PTPN4: variants seen among roughly 807,000 people sequenced by gnomAD.
PTPN4 encodes protein tyrosine phosphatase non-receptor type 4.
In PTPN4, 49 loss-of-function variants were observed where a neutral mutation model predicts 135.5. The observed-to-expected ratio is 0.36, with a 90% CI of 0.29 to 0.46. The LOEUF (loss-of-function observed/expected upper bound fraction) is 0.46, where lower values mean the gene tolerates loss of function less well. Ranked by LOEUF, PTPN4 falls within the 20% of genes least tolerant of loss-of-function variation. The pLI is 1.00. For missense variants in PTPN4, 860 were observed against 1,101.0 expected (o/e 0.78, Z 3.10); for synonymous variants, 333 against 369.9 (o/e 0.90, Z 1.14).
intron 12 of PTPN4, among the ~76,000 whole-genome samples, chr2:119,921,972 G>C (rs1678743110): frequency 6.6e-6 from 1 of 151,872 alleles, no homozygotes; most frequent in Non-Finnish European, 1.5e-5. Flanking sequence ...TTTAATTTAG[G>C]TACAAAGAAA....
At chr2:119,924,044 G>C (rs1678777446) in intron 12 of PTPN4, among the ~76,000 whole-genome samples, 1 of 148,134 alleles carries the variant, frequency 6.8e-6, no homozygotes, top group African/African-American at 2.5e-5. Context: ...GGCTGAGGCA[G>C]AAGAATGGCG....
At chr2:119,766,437 C>T (rs185119200) in intron 1 of PTPN4, among the ~76,000 whole-genome samples, 3 of 113,634 alleles carry the variant, frequency 2.6e-5, no homozygotes, top group East Asian at 2.4e-4. Flanking sequence ...CTGGTGTATG[C>T]GCATGTGCGC....
intron 2 of PTPN4, among the ~76,000 whole-genome samples, chr2:119,815,873 CAG>C (rs1676977544): frequency 1.3e-5 from 2 of 152,142 alleles, no homozygotes. Flanking sequence ...ATGCACAAAA[CAG>C]TGCAGTACAC....
chr2:119,975,657 G>C (rs1032851766), intron 26 of PTPN4, among the ~76,000 whole-genome samples: 5 of 152,120 alleles, frequency 3.3e-5, no homozygotes, highest in Non-Finnish European at 7.4e-5. Context: ...CCCGGGAGGA[G>C]GAGGTTGCAG....
rs1679719714 is a variant in PTPN4, at chr2:119,983,175, C to T, written c.*6105C>T. ...TGAAAGGATTGGTGTCAGGCTCTCT[C>T]AACCCTGGGAGTTTCCAAAATTTAG... On this transcript the variant is annotated 3_prime_UTR_variant, in exon 27 of 27. Transcript: ENST00000263708. The T allele has an allele frequency of 6.6e-6, 1 of 152,180 alleles. No individual in the cohort carries two copies. The highest frequency in any genetic ancestry group is 1.5e-5 in the Non-Finnish European group (1 of 68,034). The allele number at this position is 152,180 out of a possible 1,614,324, so 9.4% of individuals were successfully genotyped here. A position where few individuals can be genotyped will look rare whatever the true frequency, so the allele number is the denominator to read the frequency against.
intron 2 of PTPN4, among the ~76,000 whole-genome samples, chr2:119,847,328 A>ATATTTTTTTTTTTTTTTTTTAGACAT (rs1257711116): frequency 9.7e-6 from 1 of 102,754 alleles, no homozygotes; most frequent in Non-Finnish European, 1.9e-5. Flanking sequence ...ATATATATAT[A>ATATTTTTTTTTTTTTTTTTTAGACAT]TTTTTTTTTT....
intron 2 of PTPN4, among the ~76,000 whole-genome samples, chr2:119,823,726 TGA>T (rs1017333620): frequency 6.6e-6 from 1 of 152,148 alleles, no homozygotes; most frequent in African/African-American, 2.4e-5. Flanking sequence ...TATTTCTTAC[TGA>T]GAGAGAGAGG....
chr2:119,939,624 A>G (rs537131529), intron 15 of PTPN4, among the ~76,000 whole-genome samples: 4 of 152,236 alleles, frequency 2.6e-5, no homozygotes, highest in Non-Finnish European at 5.9e-5. Flanking sequence ...TGTTAAATCC[A>G]GTTCCCCGAG....
intron 3 of PTPN4, among the ~76,000 whole-genome samples, chr2:119,869,995 T>G (rs940894849): frequency 2.6e-5 from 4 of 152,194 alleles, no homozygotes; most frequent in African/African-American, 4.8e-5. Context: ...GCCTCCTCTT[T>G]TCCCCATTTC....
Position 119,882,499 on chromosome 2 carries a change from T to C in PTPN4, c.467-4T>C, listed in dbSNP as rs964011864. ...AAATGTGAATGTTTTCCTTTCATTA[T>C]TAGCTGAACTTGGAGACTACGATCA... On this transcript the variant is annotated splice_region_variant and splice_polypyrimidine_tract_variant and intron_variant, in intron 7 of 26. Coordinates refer to ENST00000263708, the MANE Select transcript of PTPN4 (RefSeq NM_002830.4). 1 of 1,510,452 alleles carries C rather than the reference T, an allele frequency of 6.6e-7. No individual in the cohort carries two copies. 93.6% of individuals were successfully genotyped at this position (1,510,452 alleles called of 1,614,324 possible).
chr2:119,858,215 T>C (rs944668271), intron 2 of PTPN4, among the ~76,000 whole-genome samples: 25 of 152,334 alleles, frequency 1.6e-4, no homozygotes, highest in African/African-American at 4.6e-4. Context: ...GTCTCAGATA[T>C]TTATTTACAG....
At chr2:119,933,975 C>T (rs576542998) in intron 14 of PTPN4, among the ~76,000 whole-genome samples, 3 of 152,174 alleles carry the variant, frequency 2.0e-5, no homozygotes, top group East Asian at 3.9e-4. Context: ...CCATTTGTAC[C>T]AGCAACACTA....
intron 3 of PTPN4, among the ~76,000 whole-genome samples, chr2:119,875,480 G>A (rs1677971045): frequency 6.6e-6 from 1 of 152,054 alleles, no homozygotes; most frequent in Non-Finnish European, 1.5e-5. Context: ...CATTAAAGTG[G>A]ATATAATTTA....
At chr2:119,801,882 TTTTC>T (rs1414289137) in intron 1 of PTPN4, among the ~76,000 whole-genome samples, 32 of 151,290 alleles carry the variant, frequency 2.1e-4, no homozygotes, top group South Asian at 1.2e-3. Context: ...TTTTTCTGTT[TTTTC>T]TTTCTTTCTT....
intron 2 of PTPN4, among the ~76,000 whole-genome samples, chr2:119,817,563 T>C (rs1198297697): frequency 6.6e-6 from 1 of 152,200 alleles, no homozygotes; most frequent in East Asian, 1.9e-4. Context: ...TTTTGGTTAC[T>C]GTAGCCCTGT....
At chr2:119,861,485 A>G (rs1282364304) in intron 2 of PTPN4, among the ~76,000 whole-genome samples, 1 of 152,234 alleles carries the variant, frequency 6.6e-6, no homozygotes, top group African/African-American at 2.4e-5. Context: ...TGATAGGTAT[A>G]GAAGTTTCCT....
rs1677473267 is a variant in PTPN4 at position 119,845,221 on chromosome 2, G to A, written c.139-17315G>A. ...AGTCCAGCTTCGGCTCCGCATGAGA[G>A]GGAGACCGTGGGGAGAGGGAGAGGG... On this transcript the variant is annotated intron_variant, in intron 2 of 26. Transcript: ENST00000263708. 3.7e-5 allele frequency among the ~76,000 whole-genome samples: 5 copies of A among 136,394 alleles called. No homozygotes were observed. In the South Asian group the frequency reaches 1.3e-3, roughly 35 times the overall value. The allele number at this position is 136,394 out of a possible 152,430, so 89.5% of individuals were successfully genotyped here. A position where few individuals can be genotyped will look rare whatever the true frequency, so the allele number is the denominator to read the frequency against.
intron 15 of PTPN4, among the ~76,000 whole-genome samples, chr2:119,944,252 C>G (rs755491115): frequency 2.0e-5 from 3 of 152,148 alleles, no homozygotes; most frequent in Admixed American, 6.5e-5. Context: ...GTGTTCTTAT[C>G]AAGAACAATT....
chr2:119,967,082 T>C (rs1679454968), intron 25 of PTPN4, among the ~76,000 whole-genome samples: 1 of 152,250 alleles, frequency 6.6e-6, no homozygotes, highest in Admixed American at 6.5e-5. Context: ...AAGTCCCTGA[T>C]AACTACTGCA....
Sources: gnomAD v4.1 joint callset for allele counts (sites outside exome capture counted in the v4.1 genomes callset) on GRCh38, gnomAD v4.1.1 for gene constraint, MANE v1.5 for transcripts, NCBI Gene and HGNC (gene_info 2026-07-23, HGNC 2026-07-21) for gene names.